NTF4: variants seen among roughly 807,000 people sequenced by gnomAD.
NTF4 encodes neurotrophin 4, also known as neurotrophin-4.
NTF4 carries 2 observed loss-of-function variants against 4.4 expected under a neutral mutation model. The observed-to-expected ratio is 0.46, with a 90% CI of 0.19 to 1.44. The LOEUF is 1.44. NTF4 is among the 40% of genes most tolerant of loss of function. NTF4 has a pLI of 0.26. For missense variants in NTF4, 260 were observed against 293.0 expected, an observed-to-expected ratio of 0.89 and a Z score of 0.82; for synonymous variants, 127 against 122.0, an observed-to-expected ratio of 1.04 and a Z score of -0.27.
downstream of NTF4, chr19:49,058,468 A>T (rs1291815746): frequency 1.6e-6 from 1 of 606,738 alleles, no homozygotes; most frequent in Non-Finnish European, 2.8e-6. Context: ...TGGCATCCAA[A>T]TTCCCTGGCG....
In NTF4 at chr19:49,061,592, A is replaced by C. The variant is rs1487582932; in HGVS notation, c.406T>G (p.Phe136Val). 6.8e-6 allele frequency: 11 copies of C among 1,614,062 alleles called. No homozygotes were observed. Among genetic ancestry groups the C allele is most frequent in the South Asian group, 1.1e-5 (1 of 91,090 alleles). The change falls in exon 1 of 1, where the codon TTC becomes GTC. Residue 136 changes from phenylalanine (F) to valine (V), a missense_variant. Coordinates refer to ENST00000593537, the Ensembl canonical transcript of NTF4. This position sits in a 1 kb window ranked among gnomAD's most constrained non-coding sequence, Gnocchi z 4.9. ...TCAGCCTTGCAGCGGGTTTCAAAGA[A>C]GTACTGGCGGAGGGGACTGCCGCCA... is the stretch of plus-strand genomic sequence containing the variant.
At chr19:49,058,287 G>A (rs1470968904), downstream of NTF4, 4 of 1,519,994 alleles carry the variant, frequency 2.6e-6, no homozygotes, top group Non-Finnish European at 3.5e-6. Context: ...GGACCTCGTC[G>A]AAAGCCCAGA....
chr19:49,058,412 C>T, downstream of NTF4: 2 of 762,768 alleles, frequency 2.6e-6, no homozygotes, highest in South Asian at 3.7e-5. Flanking sequence ...CCACCCCAAA[C>T]TCTGACCTCT....
chr19:49,058,460 G>T, downstream of NTF4: 2 of 621,714 alleles, frequency 3.2e-6, no homozygotes, highest in Non-Finnish European at 5.4e-6. Context: ...GCAGTCCCTG[G>T]CATCCAAATT....
chr19:49,059,443 A>G (rs2040105701), downstream of NTF4, among the ~76,000 whole-genome samples: 1 of 152,194 alleles, frequency 6.6e-6, no homozygotes, highest in Non-Finnish European at 1.5e-5. Flanking sequence ...GAAAGAGACC[A>G]CGATGGAAAG....
chr19:49,061,294 G>A lies in NTF4; in HGVS notation c.*71C>T. On this transcript the variant is annotated 3_prime_UTR_variant, in exon 1 of 1. Coordinates refer to ENST00000593537, the Ensembl canonical transcript of NTF4. The surrounding 1 kb of genome is among the most constrained non-coding windows in gnomAD (Gnocchi z 4.9). ...TTATTTGATGAGTTCCCAAACTGGG[G>A]TCCTTAGATCAGCTGGGCCATCCCT... 1 of 1,600,936 alleles carries A rather than the reference G, an allele frequency of 6.2e-7. No individual in the cohort carries two copies. The highest frequency in any genetic ancestry group is 1.3e-5 in the African/African-American group (1 of 74,858).
Position 49,061,639 on chromosome 19 carries a change from A to T in NTF4, c.359T>A (p.Val120Glu). 6.2e-7 allele frequency: 1 copy of T among 1,613,426 alleles called. No homozygotes were observed. The highest frequency in any genetic ancestry group is 8.5e-7 in the Non-Finnish European group (1 of 1,179,928). Reference sequence around the variant, plus strand: ...GCCAGCTGCAGGCACCTCGCCCAACACCTCCACCTCGCGCCCACGCAAGTC... The same window carrying T: ...GCCAGCTGCAGGCACCTCGCCCAACTCCTCCACCTCGCGCCCACGCAAGTC... The change falls in exon 1 of 1, where the codon GTG becomes GAG. Residue 120 changes from valine (V) to glutamate (E), a missense_variant. Coordinates refer to ENST00000593537, the Ensembl canonical transcript of NTF4. This position sits in a 1 kb window ranked among gnomAD's most constrained non-coding sequence, Gnocchi z 4.9.
At chr19:49,064,894 C>G (rs2040198043), upstream of NTF4, 2 of 152,290 alleles carry the variant, frequency 1.3e-5, no homozygotes, top group African/African-American at 4.8e-5. Context: ...CCTCCCCACC[C>G]GAGGGCAGGG....
Position 49,061,670 on chromosome 19 carries a change from C to T in NTF4, c.328G>A (p.Ala110Thr), listed in dbSNP as rs750511722. ...ACCTCGCGCCCACGCAAGTCCACAG[C>T]GGTCCGGCGGTCTGTCACCCAGCCA... is the stretch of plus-strand genomic sequence containing the variant. The change falls in exon 1 of 1, where the codon GCT (alanine) becomes ACT (threonine). Residue 110 changes from alanine (A) to threonine (T), a missense_variant. Coordinates refer to ENST00000593537, the Ensembl canonical transcript of NTF4. The surrounding 1 kb of genome is among the most constrained non-coding windows in gnomAD (Gnocchi z 4.9). 23 of 1,613,342 alleles carry T rather than the reference C, an allele frequency of 1.4e-5. No individual in the cohort carries two copies. The highest frequency in any genetic ancestry group is 4.5e-5 in the East Asian group (2 of 44,882).
downstream of NTF4, among the ~76,000 whole-genome samples, chr19:49,059,449 G>T (rs546889371): frequency 3.3e-5 from 5 of 152,302 alleles, no homozygotes; most frequent in African/African-American, 1.2e-4. Flanking sequence ...GACCACGATG[G>T]AAAGGGAGCT....
chr19:49,061,867 G>A lies in NTF4; in HGVS notation c.131C>T (p.Pro44Leu). ...GGCACCCCTAGACAGGACTACTCGG[G>A]GGGAGAGAAGGTCCCACTCAGGGGC... The change falls in exon 1 of 1, where the codon CCC becomes CTC. Residue 44 changes from proline (P) to leucine (L), a missense_variant. Coordinates refer to ENST00000593537, the Ensembl canonical transcript of NTF4. The surrounding 1 kb of genome is among the most constrained non-coding windows in gnomAD (Gnocchi z 4.9). 3 of 1,543,522 alleles carry A rather than the reference G, an allele frequency of 1.9e-6. No homozygotes were observed. The highest frequency in any genetic ancestry group is 2.6e-6 in the Non-Finnish European group (3 of 1,141,022).
At chr19:49,062,435 CAG>C (rs2040164176), upstream of NTF4, among the ~76,000 whole-genome samples, 1 of 152,136 alleles carries the variant, frequency 6.6e-6, no homozygotes, top group Admixed American at 6.5e-5. Flanking sequence ...TTGCAGTGAG[CAG>C]AGAGTGCACC....
At chr19:49,060,310 T>A (rs2040117046), downstream of NTF4, among the ~76,000 whole-genome samples, 1 of 152,156 alleles carries the variant, frequency 6.6e-6, no homozygotes, top group Admixed American at 6.5e-5. Flanking sequence ...CAGAAACTCA[T>A]GCCCCACTCA....
chr19:49,062,681 G>C (rs541980464), upstream of NTF4, among the ~76,000 whole-genome samples: 1 of 152,258 alleles, frequency 6.6e-6, no homozygotes, highest in African/African-American at 2.4e-5. Context: ...TTACTTGGGA[G>C]GCTGAGGCAG....
downstream of NTF4, chr19:49,058,920 C>T (rs117851066): frequency 5.8e-3 from 894 of 152,824 alleles, 34 homozygotes; most frequent in Admixed American, 0.038. Flanking sequence ...GAGACAGGGA[C>T]TCCAAGAGGG....
downstream of NTF4, among the ~76,000 whole-genome samples, chr19:49,060,036 CAAAAAAAAAAAAAAAA>C (rs55870191): frequency 0.11 from 3,262 of 28,598 alleles, 122 homozygotes; most frequent in Admixed American, 0.19. Flanking sequence ...GACTCCATCT[CAAAAAAAAAAAAAAAA>C]AAAAAAAAAA....
upstream of NTF4, chr19:49,064,889 C>T (rs1268961095): frequency 6.6e-6 from 1 of 152,312 alleles, no homozygotes; most frequent in East Asian, 1.9e-4. Context: ...CCGTCCCTCC[C>T]CACCCGAGGG....
At chr19:49,062,614 T>C (rs2040167208), upstream of NTF4, among the ~76,000 whole-genome samples, 1 of 151,860 alleles carries the variant, frequency 6.6e-6, no homozygotes, top group African/African-American at 2.4e-5. Context: ...GTGAAACCCC[T>C]TCTCTACTAA....
Position 49,061,809 on chromosome 19 carries a change from C to CTCCA in NTF4, c.185_188dup (p.Glu63AspfsTer32). On this transcript the variant is annotated frameshift_variant, in exon 1 of 1. Transcript: ENST00000593537. LOFTEE classifies it low-confidence loss of function (END_TRUNC). The surrounding 1 kb of genome is among the most constrained non-coding windows in gnomAD (Gnocchi z 4.9). ...CTGCTGACTCCCGAAAGGCCCCAGCCTCCAGCAGGAAGAGCAGAGGGGGCC... is the reference window on the plus strand; with the variant it reads ...CTGCTGACTCCCGAAAGGCCCCAGCCTCCATCCAGCAGGAAGAGCAGAGGGGGCC... 1 of 1,553,642 alleles carries CTCCA rather than the reference C, an allele frequency of 6.4e-7. No homozygotes were observed. The highest frequency in any genetic ancestry group is 8.7e-7 in the Non-Finnish European group (1 of 1,148,988).
Sources: allele counts gnomAD v4.1 joint callset (sites outside exome capture counted in the v4.1 genomes callset), GRCh38; gene constraint gnomAD v4.1.1; non-coding constraint Gnocchi (gnomAD v3.1); transcripts MANE v1.5; gene names NCBI Gene and HGNC (gene_info 2026-07-23, HGNC 2026-07-21).